EFNA5: variants seen among roughly 807,000 people sequenced by gnomAD.
The protein encoded by EFNA5 is ephrin-A5.
A neutral mutation model predicts 22.9 loss-of-function variants in EFNA5; 5 were observed. The ratio of observed to expected loss-of-function variants is 0.22; its 90% confidence interval spans 0.11 to 0.46. The LOEUF (loss-of-function observed/expected upper bound fraction) is 0.46. Ranked by LOEUF, EFNA5 falls within the 20% of genes least tolerant of loss-of-function variation. The pLI, the probability that EFNA5 is intolerant of heterozygous loss-of-function variation, is 0.99. For synonymous variants in EFNA5, 113 were observed against 112.2 expected, an observed-to-expected ratio of 1.01 and a Z score of -0.04; for missense variants, 237 against 293.3, an observed-to-expected ratio of 0.81 and a Z score of 1.40.
chr5:107,445,045 TAG>T (rs1438147120), intron 1 of EFNA5, among the ~76,000 whole-genome samples: 1 of 152,090 alleles, frequency 6.6e-6, no homozygotes, highest in African/African-American at 2.4e-5. Flanking sequence ...TTTTTGGAGA[TAG>T]AGTCTCACTC....
chr5:107,426,275 T>C (rs144525838), intron 2 of EFNA5, among the ~76,000 whole-genome samples: 442 of 152,326 alleles, frequency 2.9e-3, no homozygotes, highest in African/African-American at 0.01. Flanking sequence ...ATAGTTTAAA[T>C]ATAAATACTA....
intron 1 of EFNA5, among the ~76,000 whole-genome samples, chr5:107,450,292 C>A (rs566725364): frequency 6.6e-6 from 1 of 152,202 alleles, no homozygotes; most frequent in South Asian, 2.1e-4. Context: ...AGTTTTTTTG[C>A]TCCTCTAGAT....
chr5:107,561,849 T>A (rs78518221), intron 1 of EFNA5, among the ~76,000 whole-genome samples: 1 of 152,080 alleles, frequency 6.6e-6, no homozygotes, highest in African/African-American at 2.4e-5. Context: ...TCCAACTGAC[T>A]TTTTTTTAAT....
chr5:107,454,335 T>C (rs534619830), intron 1 of EFNA5, among the ~76,000 whole-genome samples: 3 of 152,240 alleles, frequency 2.0e-5, no homozygotes, highest in Non-Finnish European at 2.9e-5. Context: ...CATCAATATG[T>C]TAATGAAAAT....
intron 1 of EFNA5, among the ~76,000 whole-genome samples, chr5:107,622,357 TCCTGACTGAATTGCTGGGTTGGG>T (rs1158850729): frequency 6.6e-6 from 1 of 152,194 alleles, no homozygotes; most frequent in African/African-American, 2.4e-5. Context: ...CCCTCAAATG[TCCTGACTGAATTGCTGGGTTGGG>T]GTCAACATCT....
intron 1 of EFNA5, among the ~76,000 whole-genome samples, chr5:107,595,810 T>C (rs1469335022): frequency 1.3e-5 from 2 of 152,186 alleles, no homozygotes; most frequent in Non-Finnish European, 2.9e-5. Context: ...CTCAATTTAC[T>C]GATCTCTAAA....
chr5:107,458,329 C>T (rs1000484933), intron 1 of EFNA5, among the ~76,000 whole-genome samples: 1 of 151,934 alleles, frequency 6.6e-6, no homozygotes, highest in Non-Finnish European at 1.5e-5. Context: ...GAAAATAATT[C>T]CTTTCCTCAA....
chr5:107,614,005 C>A (rs1749868546), intron 1 of EFNA5, among the ~76,000 whole-genome samples: 1 of 152,090 alleles, frequency 6.6e-6, no homozygotes, highest in African/African-American at 2.4e-5. Context: ...GTTTATCTAA[C>A]CTTTTGATCC....
At chr5:107,610,703 T>C (rs959031481) in intron 1 of EFNA5, among the ~76,000 whole-genome samples, 2 of 152,220 alleles carry the variant, frequency 1.3e-5, no homozygotes, top group African/African-American at 4.8e-5. Context: ...CAGTTCCTGA[T>C]ATAAATTCCA....
At chr5:107,619,297 C>T (rs1425898018) in intron 1 of EFNA5, among the ~76,000 whole-genome samples, 1 of 152,026 alleles carries the variant, frequency 6.6e-6, no homozygotes, top group Non-Finnish European at 1.5e-5. Context: ...TGTTGAGAAA[C>T]CAAAATGTAA....
chr5:107,559,334 T>G (rs1748488281), intron 1 of EFNA5, among the ~76,000 whole-genome samples: 1 of 152,232 alleles, frequency 6.6e-6, no homozygotes, highest in South Asian at 2.1e-4. Context: ...ATCATTTGAC[T>G]CTTTCATATA....
chr5:107,575,973 T>A (rs887947604), intron 1 of EFNA5, among the ~76,000 whole-genome samples: 1 of 152,202 alleles, frequency 6.6e-6, no homozygotes, highest in African/African-American at 2.4e-5. Context: ...TAATTTCTTT[T>A]CTGCAAACTG....
At chr5:107,642,058 G>A (rs1389019310) in intron 1 of EFNA5, among the ~76,000 whole-genome samples, 4 of 152,160 alleles carry the variant, frequency 2.6e-5, no homozygotes, top group Non-Finnish European at 4.4e-5. Flanking sequence ...CAAACAGATG[G>A]CATTTTAAGA....
chr5:107,572,882 C>T (rs2112488135), intron 1 of EFNA5, among the ~76,000 whole-genome samples: 1 of 152,248 alleles, frequency 6.6e-6, no homozygotes, highest in East Asian at 1.9e-4. Context: ...TATGATGATT[C>T]CCTTCAGAAT....
At chr5:107,402,788 G>C (rs768096987) in intron 2 of EFNA5, among the ~76,000 whole-genome samples, 2 of 152,160 alleles carry the variant, frequency 1.3e-5, no homozygotes, top group Admixed American at 6.5e-5. Flanking sequence ...AGGATGCTTT[G>C]ATTCTGACTA....
chr5:107,466,322 G>T (rs1580470341), intron 1 of EFNA5, among the ~76,000 whole-genome samples: 1 of 152,210 alleles, frequency 6.6e-6, no homozygotes, highest in African/African-American at 2.4e-5. Flanking sequence ...GCTTTGCAGA[G>T]ATAATACTTC....
chr5:107,452,849 T>C (rs1375110940), intron 1 of EFNA5, among the ~76,000 whole-genome samples: 1 of 152,194 alleles, frequency 6.6e-6, no homozygotes, highest in East Asian at 1.9e-4. Flanking sequence ...GGAAAACTCA[T>C]ATATGTACAG....
intron 2 of EFNA5, among the ~76,000 whole-genome samples, chr5:107,398,854 CA>C (rs1214380627): frequency 0.039 from 2,547 of 65,006 alleles, 27 homozygotes; most frequent in Middle Eastern, 0.12. Context: ...GACACTGCCT[CA>C]AAAAAAAAAA....
intron 1 of EFNA5, among the ~76,000 whole-genome samples, chr5:107,647,549 G>A (rs993174164): frequency 6.6e-6 from 1 of 151,996 alleles, no homozygotes; most frequent in Non-Finnish European, 1.5e-5. Context: ...ATAATGGAGA[G>A]GAATAAAATA....
Sources: allele counts gnomAD v4.1 joint callset (sites outside exome capture counted in the v4.1 genomes callset), GRCh38; gene constraint gnomAD v4.1.1; transcripts MANE v1.5; gene names NCBI Gene and HGNC (gene_info 2026-07-23, HGNC 2026-07-21).